C16orf78: variants seen among roughly 807,000 people sequenced by gnomAD.
The protein encoded by C16orf78 is chromosome 16 open reading frame 78.
In C16orf78, 19 loss-of-function variants were observed where a neutral mutation model predicts 27.3. The ratio of observed to expected loss-of-function variants is 0.70; its 90% CI spans 0.49 to 1.02. C16orf78 has a LOEUF of 1.02. Ranked by LOEUF, C16orf78 falls within the 50% of genes least tolerant of loss-of-function variation. The pLI is 0.00. For missense variants in C16orf78, 339 were observed against 337.0 expected (o/e 1.01, Z -0.05); for synonymous variants, 130 against 116.1 (o/e 1.12, Z -0.77).
At chr16:49,379,573 T>C (rs749141385) in intron 3 of C16orf78, among the ~76,000 whole-genome samples, 6 of 152,116 alleles carry the variant, frequency 3.9e-5, no homozygotes, top group Non-Finnish European at 8.8e-5. Context: ...AAGATTTAAA[T>C]GCAGTCGGCT....
At chr16:49,395,834 G>T (rs1263623787) in intron 3 of C16orf78, among the ~76,000 whole-genome samples, 1 of 152,140 alleles carries the variant, frequency 6.6e-6, no homozygotes, top group African/African-American at 2.4e-5. Context: ...ATTCCTGCTG[G>T]GGAGGATGGA....
At chr16:49,378,732 C>T in intron 3 of C16orf78, 139 bp downstream of exon 3, 1 of 1,326,386 alleles carries the variant, frequency 7.5e-7, no homozygotes, top group Non-Finnish European at 1.0e-6. Flanking sequence ...GAGTCAGAAG[C>T]CCACATGGAG....
At chr16:49,386,345 A>G (rs1041560461) in intron 3 of C16orf78, among the ~76,000 whole-genome samples, 2 of 152,250 alleles carry the variant, frequency 1.3e-5, no homozygotes, top group Non-Finnish European at 2.9e-5. Flanking sequence ...AAAACTATAG[A>G]CCAAATGGAC....
At position 49,396,647 on chromosome 16, in the gene C16orf78, A is replaced by C. The variant is rs1204549846; in HGVS notation, c.619A>C (p.Met207Leu). The C allele has an allele frequency of 6.2e-7, 1 of 1,611,304 alleles. No homozygotes were observed. The highest frequency in any genetic ancestry group is 8.5e-7 in the Non-Finnish European group (1 of 1,179,994). The change falls in exon 4 of 5, where the codon ATG becomes CTG. Residue 207 changes from methionine to leucine, a missense_variant. Transcript: ENST00000299191. The stretch of plus-strand genomic sequence containing the variant: ...CGAACCTAAGATGGAAACCATGAGG[A>C]TGTTGAAGCCAGAGGAGGTGCTGAG... ...STEPKMETMRMLKPEEVLSCR... is the reference protein window; with the variant it reads ...STEPKMETMRLLKPEEVLSCR...
intron 3 of C16orf78, among the ~76,000 whole-genome samples, chr16:49,393,681 A>G (rs1161722897): frequency 6.6e-6 from 1 of 152,106 alleles, no homozygotes; most frequent in African/African-American, 2.4e-5. Context: ...CACTTTTATT[A>G]GTTTAATAAG....
At chr16:49,376,769 G>A (rs931650720) in intron 1 of C16orf78, among the ~76,000 whole-genome samples, 1 of 152,096 alleles carries the variant, frequency 6.6e-6, no homozygotes, top group African/African-American at 2.4e-5. Flanking sequence ...TATGAAGTAG[G>A]TCCTACTATT....
At chr16:49,374,685 A>G (rs998695674) in intron 1 of C16orf78, among the ~76,000 whole-genome samples, 3 of 152,236 alleles carry the variant, frequency 2.0e-5, no homozygotes, top group Non-Finnish European at 4.4e-5. Context: ...TCAGAATCAA[A>G]GAACATTCAT....
chr16:49,397,230 C>T (rs1965486285), intron 4 of C16orf78, among the ~76,000 whole-genome samples: 1 of 152,308 alleles, frequency 6.6e-6, no homozygotes, highest in Middle Eastern at 3.4e-3. Flanking sequence ...GCAATGGACC[C>T]CAGATTCCCC....
At chr16:49,396,348 T>C in intron 3 of C16orf78, 75 bp from the exon 4 acceptor site, 2 of 1,532,550 alleles carry the variant, frequency 1.3e-6, no homozygotes, top group Non-Finnish European at 1.8e-6. Context: ...CCTCCAGCCT[T>C]CATCCCCTTC....
intron 3 of C16orf78, among the ~76,000 whole-genome samples, chr16:49,394,476 T>C (rs960736754): frequency 7.7e-6 from 1 of 129,330 alleles, no homozygotes; most frequent in African/African-American, 4.2e-5. Context: ...TATCAGTTGA[T>C]GGCAAAAAAA....
intron 3 of C16orf78, among the ~76,000 whole-genome samples, chr16:49,395,296 A>G (rs1209817228): frequency 6.6e-6 from 1 of 152,218 alleles, no homozygotes; most frequent in African/African-American, 2.4e-5. Context: ...CTCCTGAGTA[A>G]AAATACATAA....
chr16:49,391,153 G>A (rs527748723), intron 3 of C16orf78, among the ~76,000 whole-genome samples: 3 of 152,318 alleles, frequency 2.0e-5, no homozygotes, highest in African/African-American at 7.2e-5. Flanking sequence ...TTTTATGAAG[G>A]AAATTACCAA....
At chr16:49,388,392 G>T (rs1035114944) in intron 3 of C16orf78, among the ~76,000 whole-genome samples, 3 of 152,142 alleles carry the variant, frequency 2.0e-5, no homozygotes, top group African/African-American at 7.2e-5. Flanking sequence ...GTGTCCCAGA[G>T]ATTCTGGTAT....
At chr16:49,379,807 G>A (rs951443936) in intron 3 of C16orf78, among the ~76,000 whole-genome samples, 4 of 152,168 alleles carry the variant, frequency 2.6e-5, no homozygotes, top group African/African-American at 7.2e-5. Flanking sequence ...ATATGTGATG[G>A]TTAATATTGA....
chr16:49,392,709 T>C (rs72776782), intron 3 of C16orf78, among the ~76,000 whole-genome samples: 1 of 152,322 alleles, frequency 6.6e-6, no homozygotes, highest in Non-Finnish European at 1.5e-5. Flanking sequence ...TTTCGACTTT[T>C]AGGTTCTAGG....
At chr16:49,396,783 G>A (rs1171098388) in intron 4 of C16orf78, 105 bp downstream of exon 4, 3 of 1,418,328 alleles carry the variant, frequency 2.1e-6, no homozygotes, top group East Asian at 2.4e-5. Flanking sequence ...AGATCTAGGA[G>A]TAGGGGCTTG....
chr16:49,379,849 G>T (rs1283806461), intron 3 of C16orf78, among the ~76,000 whole-genome samples: 1 of 152,202 alleles, frequency 6.6e-6, no homozygotes, highest in African/African-American at 2.4e-5. Flanking sequence ...AGAATGCAAA[G>T]TATTGTTCCT....
intron 3 of C16orf78, among the ~76,000 whole-genome samples, chr16:49,391,545 T>A (rs1418571126): frequency 1.3e-5 from 2 of 152,136 alleles, no homozygotes; most frequent in Non-Finnish European, 2.9e-5. Context: ...GCTCATGTCC[T>A]CGGTTCACCA....
chr16:49,377,695 C>A, intron 1 of C16orf78, 36 bp from the exon 2 acceptor site: 1 of 1,591,232 alleles, frequency 6.3e-7, no homozygotes, highest in Non-Finnish European at 8.6e-7. Flanking sequence ...GTCCCCACAG[C>A]AGTGGCTGCA....
Sources: allele counts gnomAD v4.1 joint callset (sites outside exome capture counted in the v4.1 genomes callset), GRCh38; gene constraint gnomAD v4.1.1; transcripts MANE v1.5; gene names NCBI Gene and HGNC (gene_info 2026-07-23, HGNC 2026-07-21).